The following LINGO1 variants were observed in gnomAD, a reference collection of about 807,000 sequenced individuals.
The protein encoded by LINGO1 is leucine rich repeat and Ig domain containing 1.
Under a neutral mutation model 37.3 loss-of-function variants are expected in LINGO1, and 11 were observed. The ratio of observed to expected loss-of-function variants is 0.29; its 90% CI spans 0.19 to 0.49. LINGO1 has a LOEUF of 0.49. Among genes scored for constraint, LINGO1 ranks in the 20% least tolerant of loss-of-function variants. The probability of loss-of-function intolerance (pLI) is 0.99; values close to 1 mark genes in which losing one functional copy is unlikely to be tolerated. For missense variants in LINGO1, 585 were observed against 878.2 expected, an observed-to-expected ratio of 0.67 and a Z score of 4.22; for synonymous variants, 387 against 403.0, an observed-to-expected ratio of 0.96 and a Z score of 0.48.
intron 1 of LINGO1, among the ~76,000 whole-genome samples, chr15:77,811,885 G>A (rs1010421037): frequency 6.6e-6 from 1 of 151,984 alleles, no homozygotes; most frequent in Non-Finnish European, 1.5e-5. Flanking sequence ...AAGGGTATAC[G>A]GAGTTCCCTG....
intron 3 of LINGO1, among the ~76,000 whole-genome samples, chr15:77,676,658 C>T (rs1374132074): frequency 6.6e-6 from 1 of 152,172 alleles, no homozygotes; most frequent in East Asian, 1.9e-4. Flanking sequence ...CTGCACTGGG[C>T]AGCGGCGGTG....
chr15:77,809,480 G>A (rs373200689), intron 1 of LINGO1, among the ~76,000 whole-genome samples: 4 of 152,338 alleles, frequency 2.6e-5, no homozygotes, highest in African/African-American at 7.2e-5. Context: ...TGAGGGTAAC[G>A]TTCTTCCAGG....
intron 1 of LINGO1, among the ~76,000 whole-genome samples, chr15:77,621,413 C>T (rs1479582646): frequency 6.6e-6 from 1 of 152,226 alleles, no homozygotes; most frequent in African/African-American, 2.4e-5. Flanking sequence ...ATCTTTCTTA[C>T]CCATTTTACA....
upstream of LINGO1, among the ~76,000 whole-genome samples, chr15:77,638,160 C>T (rs2074431255): frequency 6.6e-6 from 1 of 152,202 alleles, no homozygotes; most frequent in African/African-American, 2.4e-5. Context: ...TGGGCCTGGC[C>T]CCCACTCAGT....
At chr15:77,619,615 A>G (rs966014486) in intron 1 of LINGO1, among the ~76,000 whole-genome samples, 1 of 152,080 alleles carries the variant, frequency 6.6e-6, no homozygotes, top group African/African-American at 2.4e-5. Context: ...TGAGGCCAGG[A>G]GTTTGAGGCT....
At chr15:77,667,288 C>T (rs1299839729) in intron 3 of LINGO1, among the ~76,000 whole-genome samples, 1 of 152,178 alleles carries the variant, frequency 6.6e-6, no homozygotes, top group Non-Finnish European at 1.5e-5. Context: ...GCTGCTCTCC[C>T]ACCTCCGGCT....
At chr15:77,788,979 G>A (rs1352695959), upstream of LINGO1, among the ~76,000 whole-genome samples, 1 of 152,166 alleles carries the variant, frequency 6.6e-6, no homozygotes, top group Non-Finnish European at 1.5e-5. Context: ...GGAAGCCCTG[G>A]TCCTGGCCAT....
At position 77,614,898 on chromosome 15, in the gene LINGO1, G is replaced by C. The variant is rs772742302; in HGVS notation, c.1009C>G (p.Leu337Val). The C allele has an allele frequency of 3.1e-6, 5 of 1,613,890 alleles. No individual in the cohort carries two copies. Among genetic ancestry groups the C allele is most frequent in the Non-Finnish European group, 2.5e-6 (3 of 1,179,900 alleles). ...TTGCCAGAGACATTGAGCACGCGCA[G>C]GTAGTTGAGGCCGCGGAAGGCATAG... ...EPYAFRGLNY[L>V]RVLNVSGNQL... The change falls in exon 2 of 2, where the codon CTG becomes GTG. Residue 337 changes from leucine (L) to valine (V), a missense_variant. Physicochemically the swap from Leu to Val is conservative, Grantham distance 32 (BLOSUM62 1). This residue lies in a region of LINGO1 where 484 missense variants were observed against 735.0 expected (regional missense o/e 0.66). Coordinates refer to ENST00000355300, the MANE Select transcript of LINGO1 (RefSeq NM_032808.7).
At chr15:77,662,892 T>A (rs1260056124) in intron 3 of LINGO1, among the ~76,000 whole-genome samples, 1 of 152,084 alleles carries the variant, frequency 6.6e-6, no homozygotes, top group African/African-American at 2.4e-5. Flanking sequence ...CCACACTCCC[T>A]GGGCTGGGAA....
At chr15:77,675,207 T>C (rs2075308916) in intron 3 of LINGO1, among the ~76,000 whole-genome samples, 1 of 152,176 alleles carries the variant, frequency 6.6e-6, no homozygotes, top group African/African-American at 2.4e-5. Flanking sequence ...CTTCTGCAGG[T>C]TGATCTGGCT....
At chr15:77,811,178 G>A (rs193006069) in intron 1 of LINGO1, among the ~76,000 whole-genome samples, 1 of 152,114 alleles carries the variant, frequency 6.6e-6, no homozygotes, top group East Asian at 1.9e-4. Context: ...GGTGGGGGCA[G>A]CCCAGCTGCT....
intron 3 of LINGO1, among the ~76,000 whole-genome samples, chr15:77,661,933 A>G (rs1235648126): frequency 6.6e-6 from 1 of 152,032 alleles, no homozygotes; most frequent in African/African-American, 2.4e-5. Context: ...ATTCTTTCCC[A>G]ATCCTCATGG....
At chr15:77,744,642 C>T (rs137887214) in intron 1 of LINGO1, among the ~76,000 whole-genome samples, 1 of 152,254 alleles carries the variant, frequency 6.6e-6, no homozygotes, top group African/African-American at 2.4e-5. Context: ...CTAATCAACA[C>T]GACAAGACTG....
At chr15:77,777,988 G>T (rs2076678889) in intron 1 of LINGO1, among the ~76,000 whole-genome samples, 1 of 152,056 alleles carries the variant, frequency 6.6e-6, no homozygotes, top group African/African-American at 2.4e-5. Flanking sequence ...AGGGAGTGAG[G>T]GAGGGGAGGG....
Position 77,713,499 on chromosome 15 carries a change from C to A in LINGO1, c.-195+21493G>T, listed in dbSNP as rs561871074. On this transcript the variant is annotated intron_variant, in intron 2 of 3. Coordinates refer to the LINGO1 transcript ENST00000561686. ...AAATTAGTAGCAGCCAAGCGGGAGG[C>A]GTGGGAGCAGGGTTGGGCGGGGAGG... Among the ~76,000 whole-genome samples, 10 of 148,040 alleles carry A rather than the reference C, an allele frequency of 6.8e-5. No individual in the cohort carries two copies. In the East Asian group the frequency reaches 2.1e-3, roughly 31 times the overall value.
intron 3 of LINGO1, among the ~76,000 whole-genome samples, chr15:77,657,449 G>C (rs1278114577): frequency 6.6e-6 from 1 of 152,154 alleles, no homozygotes; most frequent in African/African-American, 2.4e-5. Flanking sequence ...TGGGTGTCCT[G>C]AATCCCCAAA....
chr15:77,723,214 G>A (rs1674334131), intron 2 of LINGO1, among the ~76,000 whole-genome samples: 1 of 150,210 alleles, frequency 6.7e-6, no homozygotes, highest in Non-Finnish European at 1.5e-5. Context: ...ACAGAGCAGT[G>A]AGCGCGGCCT....
intron 2 of LINGO1, among the ~76,000 whole-genome samples, chr15:77,726,752 C>T (rs2141323890): frequency 6.6e-6 from 1 of 152,292 alleles, no homozygotes; most frequent in African/African-American, 2.4e-5. Context: ...AATGGGACTA[C>T]ATCAAACTTA....
intron 1 of LINGO1, among the ~76,000 whole-genome samples, chr15:77,810,795 G>A (rs147051019): frequency 2.0e-4 from 31 of 152,358 alleles, no homozygotes; most frequent in African/African-American, 7.2e-4. Flanking sequence ...CTAACCCCAA[G>A]GAGGCGGGGA....
Sources: gnomAD v4.1 joint callset for allele counts (sites outside exome capture counted in the v4.1 genomes callset) on GRCh38, gnomAD v4.1.1 for gene constraint, gnomAD v4.1.1 regional missense constraint, MANE v1.5 for transcripts, NCBI Gene and HGNC (gene_info 2026-07-23, HGNC 2026-07-21) for gene names.